Variants in TAFA1 observed in about 807,000 individuals in gnomAD.
TAFA1 encodes the protein TAFA chemokine like family member 1, also known as chemokine-like protein TAFA-1.
Under a neutral mutation model 18.5 loss-of-function variants are expected in TAFA1, and 4 were observed. The observed-to-expected ratio is 0.22, with a 90% CI of 0.11 to 0.49. TAFA1 has a LOEUF of 0.49. Ranked by LOEUF, TAFA1 falls within the 20% of genes least tolerant of loss-of-function variation. The probability of loss-of-function intolerance (pLI) is 0.98; values close to 1 mark genes in which losing one functional copy is unlikely to be tolerated. For synonymous variants in TAFA1, 56 were observed against 55.2 expected (o/e 1.01, Z -0.06); for missense variants, 147 against 169.0 (o/e 0.87, Z 0.72).
intron 2 of TAFA1, among the ~76,000 whole-genome samples, chr3:68,172,008 G>A (rs2066060048): frequency 6.6e-6 from 1 of 152,012 alleles, no homozygotes; most frequent in Non-Finnish European, 1.5e-5. Context: ...GAGTCTAGAA[G>A]GAGAGAAGAG....
intron 2 of TAFA1, among the ~76,000 whole-genome samples, chr3:68,245,936 G>A (rs1422484899): frequency 1.3e-5 from 2 of 152,168 alleles, no homozygotes; most frequent in African/African-American, 2.4e-5. Context: ...AATAAAGCGG[G>A]TATGGTATAA....
At chr3:68,260,201 G>A (rs1244807114) in intron 2 of TAFA1, among the ~76,000 whole-genome samples, 2 of 152,002 alleles carry the variant, frequency 1.3e-5, no homozygotes, top group Non-Finnish European at 2.9e-5. Flanking sequence ...ATAATCATGT[G>A]GTTTTTGTCT....
rs943844311 is a variant in TAFA1 at position 68,298,162 on chromosome 3, T to G, written c.119-119118T>G. 2.6e-5 allele frequency among the ~76,000 whole-genome samples: 4 copies of G among 152,302 alleles called. No individual in the cohort carries two copies. In the East Asian group the frequency reaches 7.7e-4, roughly 29 times the overall value. ...GTGAGCCTGTGCCCTCAGTCCCTGATGAACACAGGGCAAGCTAATGACACC... is the reference window on the plus strand; with the variant it reads ...GTGAGCCTGTGCCCTCAGTCCCTGAGGAACACAGGGCAAGCTAATGACACC... On this transcript the variant is annotated intron_variant, in intron 2 of 4. Transcript: ENST00000478136.
chr3:68,139,769 A>G (rs536038909), intron 2 of TAFA1, among the ~76,000 whole-genome samples: 3 of 152,306 alleles, frequency 2.0e-5, no homozygotes, highest in Admixed American at 2.0e-4. Context: ...AACAAGCCTC[A>G]TCTTACTTAT....
rs530747183 is a variant in TAFA1, at chr3:68,285,677, A to G, written c.119-131603A>G. On this transcript the variant is annotated intron_variant, in intron 2 of 4. Transcript: ENST00000478136. Reference sequence around the variant, plus strand: ...ACTGTTACAGATTAAAAATGATTTGAGACATATCAATCACATGCAATTTAT... The same window carrying G: ...ACTGTTACAGATTAAAAATGATTTGGGACATATCAATCACATGCAATTTAT... Among the ~76,000 whole-genome samples, 154 of 152,262 alleles carry G rather than the reference A, an allele frequency of 1.0e-3. No homozygotes were observed. The Middle Eastern group carries it at 0.014, about 13-fold the overall frequency.
chr3:68,014,262 G>T (rs1011898589), intron 2 of TAFA1, among the ~76,000 whole-genome samples: 1 of 152,182 alleles, frequency 6.6e-6, no homozygotes, highest in African/African-American at 2.4e-5. Context: ...GAAATTAACA[G>T]TATACTGCAT....
intron 3 of TAFA1, among the ~76,000 whole-genome samples, chr3:68,442,410 C>T (rs2071400546): frequency 6.6e-6 from 1 of 152,058 alleles, no homozygotes; most frequent in South Asian, 2.1e-4. Context: ...CTCATTTATC[C>T]ATGAGGGGAT....
chr3:68,529,027 T>C (rs570710212), intron 3 of TAFA1, among the ~76,000 whole-genome samples: 1 of 152,178 alleles, frequency 6.6e-6, no homozygotes, highest in Admixed American at 6.5e-5. Flanking sequence ...TTTTTCTCTT[T>C]TTGTTTCATT....
At chr3:68,249,333 C>T (rs1247081639) in intron 2 of TAFA1, among the ~76,000 whole-genome samples, 1 of 152,110 alleles carries the variant, frequency 6.6e-6, no homozygotes, top group African/African-American at 2.4e-5. Flanking sequence ...TTTGGGAATT[C>T]CAGGCTTCAA....
At chr3:68,230,592 A>T (rs190615361) in intron 2 of TAFA1, among the ~76,000 whole-genome samples, 182 of 152,320 alleles carry the variant, frequency 1.2e-3, no homozygotes, top group African/African-American at 4.0e-3. Flanking sequence ...GTGGGTGCAG[A>T]TATCTCTTCA....
At chr3:68,283,752 G>T (rs936550912) in intron 2 of TAFA1, among the ~76,000 whole-genome samples, 1 of 152,146 alleles carries the variant, frequency 6.6e-6, no homozygotes, top group African/African-American at 2.4e-5. Flanking sequence ...ACATCCCACA[G>T]CACAAAGCAG....
chr3:68,496,746 T>G (rs771343430), intron 3 of TAFA1, among the ~76,000 whole-genome samples: 1 of 152,328 alleles, frequency 6.6e-6, no homozygotes. Flanking sequence ...GCCGTAATTA[T>G]GCATGTAAAT....
intron 2 of TAFA1, among the ~76,000 whole-genome samples, chr3:68,081,890 T>C (rs2064906480): frequency 6.6e-6 from 1 of 152,212 alleles, no homozygotes; most frequent in South Asian, 2.1e-4. Flanking sequence ...GCCTGGGCAA[T>C]GGCGGGCGCC....
intron 2 of TAFA1, among the ~76,000 whole-genome samples, chr3:68,261,811 A>G (rs2067428728): frequency 6.6e-6 from 1 of 152,076 alleles, no homozygotes; most frequent in Non-Finnish European, 1.5e-5. Flanking sequence ...GATATACTTA[A>G]TGCTAAATGA....
chr3:68,142,028 T>G (rs976985739), intron 2 of TAFA1, among the ~76,000 whole-genome samples: 1 of 152,192 alleles, frequency 6.6e-6, no homozygotes, highest in African/African-American at 2.4e-5. Context: ...GAATCTGAAG[T>G]TACCAAACTC....
Position 68,311,597 on chromosome 3 carries a change from T to C in TAFA1, c.119-105683T>C, listed in dbSNP as rs111923444. ...GTCAAATCTTAAAGCTCCAAAATGA[T>C]CTCCTTTGACTCCATGTCTCACATT... On this transcript the variant is annotated intron_variant, in intron 2 of 4. Coordinates refer to ENST00000478136, the MANE Select transcript of TAFA1 (RefSeq NM_213609.4). 2.5e-3 allele frequency among the ~76,000 whole-genome samples: 381 copies of C among 152,292 alleles called. 2 individuals carry two copies. Among genetic ancestry groups the C allele is most frequent in the South Asian group, 0.015 (74 of 4,826 alleles).
At chr3:68,465,510 G>T (rs922516658) in intron 3 of TAFA1, among the ~76,000 whole-genome samples, 1 of 152,154 alleles carries the variant, frequency 6.6e-6, no homozygotes, top group Non-Finnish European at 1.5e-5. Context: ...TAATTGAAAA[G>T]TGAAAGAAGC....
chr3:68,244,015 A>G (rs1559573480), intron 2 of TAFA1, among the ~76,000 whole-genome samples: 1 of 152,080 alleles, frequency 6.6e-6, no homozygotes, highest in Non-Finnish European at 1.5e-5. Context: ...TGTGGTTTTA[A>G]TTTGCATTTT....
At chr3:68,427,375 T>C (rs750107091) in intron 3 of TAFA1, among the ~76,000 whole-genome samples, 1 of 151,906 alleles carries the variant, frequency 6.6e-6, no homozygotes, top group African/African-American at 2.4e-5. Context: ...GTGTTATTAA[T>C]GTGCTGTCCA....
Sources: allele counts gnomAD v4.1 joint callset (sites outside exome capture counted in the v4.1 genomes callset), GRCh38; gene constraint gnomAD v4.1.1; transcripts MANE v1.5; gene names NCBI Gene and HGNC (gene_info 2026-07-23, HGNC 2026-07-21).